EMILIN2: variants seen among roughly 807,000 people sequenced by gnomAD.
EMILIN2 encodes the protein EMILIN-2.
EMILIN2 carries 71 observed loss-of-function variants against 87.1 expected under a neutral mutation model. That is an observed-to-expected ratio of 0.82 (90% CI 0.67 to 0.99). The LOEUF is 0.99. Ranked by LOEUF, EMILIN2 falls within the 50% of genes least tolerant of loss-of-function variation. EMILIN2 has a pLI of 0.00. For missense variants in EMILIN2, 1,407 were observed against 1,371.8 expected, an observed-to-expected ratio of 1.03 and a Z score of -0.40; for synonymous variants, 581 against 563.4, an observed-to-expected ratio of 1.03 and a Z score of -0.44.
intron 2 of EMILIN2, among the ~76,000 whole-genome samples, chr18:2,869,344 A>G (rs1252525128): frequency 6.6e-6 from 1 of 152,162 alleles, no homozygotes; most frequent in Admixed American, 6.5e-5. Flanking sequence ...GAAGTTGTAC[A>G]GTTTAATATT....
chr18:2,889,159 A>G (rs2076819867), intron 3 of EMILIN2, among the ~76,000 whole-genome samples: 1 of 80,818 alleles, frequency 1.2e-5, no homozygotes, highest in Admixed American at 1.9e-4. Flanking sequence ...TTTTTTTGAG[A>G]CAGGGTCTCT....
chr18:2,907,057 C>G lies in EMILIN2; in HGVS notation c.2634C>G (p.Pro878=), dbSNP rs772430809. The G allele has an allele frequency of 1.3e-5, 17 of 1,267,214 alleles. No individual in the cohort carries two copies. The highest frequency in any genetic ancestry group is 1.7e-5 in the Non-Finnish European group (17 of 1,010,708). 78.5% of individuals were successfully genotyped at this position (1,267,214 alleles called of 1,614,324 possible). A position where few individuals can be genotyped will look rare whatever the true frequency, so the allele number is the denominator to read the frequency against. ...GCCAGACCGGGAGCGGCACCGTCCC[C>G]GGCGCAGAAGGCTTCGCGGGCGCAC... ...VDGQTGSGTV[P]GAEGFAGAPG... is the part of the protein sequence containing the mutation. Residue 878 remains proline (P), a synonymous_variant, in exon 5 of 8, where the codon CCC becomes CCG. Coordinates refer to ENST00000254528, the MANE Select transcript of EMILIN2 (RefSeq NM_032048.3).
Position 2,891,713 on chromosome 18 carries a change from G to A in EMILIN2, c.1586G>A (p.Gly529Glu). 2 of 1,614,104 alleles carry A rather than the reference G, an allele frequency of 1.2e-6. No individual in the cohort carries two copies. Among genetic ancestry groups the A allele is most frequent in the Non-Finnish European group, 1.7e-6 (2 of 1,180,026 alleles). Residue 529 changes from glycine to glutamate, a missense_variant, in exon 4 of 8, where the codon GGG becomes GAG. Gly to Glu is a moderately conservative substitution (Grantham distance 98). Transcript: ENST00000254528. The surrounding 1 kb of genome is among the most constrained non-coding windows in gnomAD (Gnocchi z 4.6). ...GCAGCAGCCCTGCCAGGAGTGTCAG[G>A]GTCAGGAGATGAACGGGTCATGATG... The part of the protein sequence containing the change: ...PGAAALPGVS[G>E]SGDERVMMEL...
chr18:2,874,549 ACT>A (rs560004820), intron 2 of EMILIN2, among the ~76,000 whole-genome samples: 1 of 152,226 alleles, frequency 6.6e-6, no homozygotes, highest in South Asian at 2.1e-4. Context: ...GGGCTCTGGC[ACT>A]TTTTTCCAGA....
In EMILIN2 at chr18:2,892,425, C is replaced by T. The variant is rs369842804; in HGVS notation, c.2298C>T (p.Tyr766=). The T allele has an allele frequency of 3.9e-5, 63 of 1,613,196 alleles. No homozygotes were observed. The East Asian group carries it at 6.9e-4, about 18-fold the overall frequency. The part of the protein sequence containing the change: ...SGLKNSVQQF[Y]SHVFQISTDL... ...TGAAGAATTCAGTCCAGCAGTTCTA[C>T]AGCCACGTCTTCCAGATTTCTACTG... is the stretch of plus-strand genomic sequence containing the variant. The change falls in exon 4 of 8, where the codon TAC becomes TAT. Residue 766 remains tyrosine (Y), a synonymous_variant. Transcript: ENST00000254528.
chr18:2,856,459 T>C (rs911678151), intron 2 of EMILIN2, among the ~76,000 whole-genome samples: 6 of 152,120 alleles, frequency 3.9e-5, no homozygotes, highest in African/African-American at 1.4e-4. Context: ...CTAGTGCCAA[T>C]CCCCAGGTGA....
In EMILIN2 at chr18:2,847,242, G is replaced by A; in HGVS notation, c.54G>A (p.Ala18=). ...WPRVPWRWAL[A]LLALVGAGLC... The stretch of plus-strand genomic sequence containing the variant: ...GCGTGCCCTGGCGCTGGGCGCTGGC[G>A]CTGCTGGCCCTGGTTGGCGCGGGGC... Residue 18 remains alanine, a synonymous_variant, in exon 1 of 8, where the codon GCG becomes GCA. Transcript: ENST00000254528. This position sits in a 1 kb window ranked among gnomAD's most constrained non-coding sequence, Gnocchi z 4.5. 2 of 1,273,332 alleles carry A rather than the reference G, an allele frequency of 1.6e-6. No individual in the cohort carries two copies. Among genetic ancestry groups the A allele is most frequent in the South Asian group, 2.6e-5 (1 of 38,960 alleles). The allele number at this position is 1,273,332 out of a possible 1,614,324, so 78.9% of individuals were successfully genotyped here.
At chr18:2,865,414 G>C (rs2076681555) in intron 2 of EMILIN2, among the ~76,000 whole-genome samples, 2 of 152,192 alleles carry the variant, frequency 1.3e-5, no homozygotes, top group Non-Finnish European at 2.9e-5. Flanking sequence ...CTTTCTGTTA[G>C]TTTTCCTTCT....
chr18:2,884,411 A>G (rs2076793103), intron 2 of EMILIN2, among the ~76,000 whole-genome samples: 1 of 85,008 alleles, frequency 1.2e-5, no homozygotes. Context: ...ACACCTGGCT[A>G]AGTTTCGTAT....
Position 2,890,537 on chromosome 18 carries a change from T to C in EMILIN2, c.434-24T>C, listed in dbSNP as rs372175085. On this transcript the variant is annotated intron_variant, in intron 3 of 7. Coordinates refer to ENST00000254528, the MANE Select transcript of EMILIN2 (RefSeq NM_032048.3). This position sits in a 1 kb window ranked among gnomAD's most constrained non-coding sequence, Gnocchi z 4.7. Reference sequence around the variant, plus strand: ...GCTAAAGGTAGAAAATGTTCATTCATGTCCAACTTTATCTTTGTAACAGAT... The same window carrying C: ...GCTAAAGGTAGAAAATGTTCATTCACGTCCAACTTTATCTTTGTAACAGAT... The C allele has an allele frequency of 6.5e-7, 1 of 1,527,318 alleles. No homozygotes were observed. The highest frequency in any genetic ancestry group is 8.8e-7 in the Non-Finnish European group (1 of 1,137,276). 94.6% of individuals were successfully genotyped at this position (1,527,318 alleles called of 1,614,324 possible).
In EMILIN2 at chr18:2,880,965, C is replaced by T. The variant is rs146900158; in HGVS notation, c.258-3999C>T. 6.6e-6 allele frequency among the ~76,000 whole-genome samples: 1 copy of T among 152,318 alleles called. No homozygotes were observed. The highest frequency in any genetic ancestry group is 1.9e-4 in the East Asian group (1 of 5,186). ...CTTGGCATTTTCTAAAGCTCACTAG[C>T]TATTTTCCTGCAGTGCCTTGGGTGA... On this transcript the variant is annotated intron_variant, in intron 2 of 7. Coordinates refer to ENST00000254528, the MANE Select transcript of EMILIN2 (RefSeq NM_032048.3). The surrounding 1 kb of genome is among the most constrained non-coding windows in gnomAD (Gnocchi z 4.1).
At chr18:2,849,652 T>C (rs1598482540) in intron 2 of EMILIN2, among the ~76,000 whole-genome samples, 1 of 152,304 alleles carries the variant, frequency 6.6e-6, no homozygotes, top group East Asian at 1.9e-4. Context: ...GTTTCTGTTG[T>C]TTTATTAAAC....
intron 3 of EMILIN2, among the ~76,000 whole-genome samples, chr18:2,889,692 C>T (rs368440119): frequency 5.2e-4 from 50 of 96,660 alleles, no homozygotes; most frequent in East Asian, 1.2e-3. Flanking sequence ...TTTTTCTTTT[C>T]TTTTTTTTTT....
rs11659151 is a variant in EMILIN2, at chr18:2,853,820, A to T, written c.257+5889A>T. 1.2e-4 allele frequency among the ~76,000 whole-genome samples: 18 copies of T among 152,184 alleles called. No homozygotes were observed. The Middle Eastern group carries it at 0.014, about 115-fold the overall frequency. ...GTGCTGCATTGCCAGCCTCCCTGTC[A>T]GGGTGGAATGGCAGGAGGGAAGGGC... On this transcript the variant is annotated intron_variant, in intron 2 of 7. Transcript: ENST00000254528.
At chr18:2,902,442 C>T (rs2076891929) in intron 4 of EMILIN2, among the ~76,000 whole-genome samples, 1 of 152,152 alleles carries the variant, frequency 6.6e-6, no homozygotes, top group South Asian at 2.1e-4. Context: ...ACTGTTCAAG[C>T]CTGCTGGGCC....
At chr18:2,905,729 A>G (rs1323368199) in intron 4 of EMILIN2, among the ~76,000 whole-genome samples, 4 of 149,264 alleles carry the variant, frequency 2.7e-5, no homozygotes, top group African/African-American at 9.9e-5. Context: ...CAGCCTCCCG[A>G]GTAGCTGGGA....
In EMILIN2 at chr18:2,847,969, G is replaced by C. The variant is rs938477587; in HGVS notation, c.257+38G>C. 1.3e-6 allele frequency: 2 copies of C among 1,557,250 alleles called. No homozygotes were observed. Among genetic ancestry groups the C allele is most frequent in the South Asian group, 1.2e-5 (1 of 85,942 alleles). On this transcript the variant is annotated intron_variant, in intron 2 of 7. Transcript: ENST00000254528. This position sits in a 1 kb window ranked among gnomAD's most constrained non-coding sequence, Gnocchi z 4.5. Reference sequence around the variant, plus strand: ...GCCGGGGAGCGGGCGGGGCGCGCCCGGGCCGGGGCGGTGGGGGTGGGGTGG... The same window carrying C: ...GCCGGGGAGCGGGCGGGGCGCGCCCCGGCCGGGGCGGTGGGGGTGGGGTGG...
chr18:2,881,364 A>G (rs901239589), intron 2 of EMILIN2, among the ~76,000 whole-genome samples: 4 of 152,148 alleles, frequency 2.6e-5, no homozygotes, highest in East Asian at 3.9e-4. Context: ...CAGAAACTCA[A>G]CAGCAGGCAG....
rs1271309758 is a variant in EMILIN2 at position 2,847,290 on chromosome 18, C to G, written c.102C>G (p.Pro34=). 3 of 1,318,646 alleles carry G rather than the reference C, an allele frequency of 2.3e-6. No individual in the cohort carries two copies. The highest frequency in any genetic ancestry group is 2.9e-6 in the Non-Finnish European group (3 of 1,037,084). 81.7% of individuals were successfully genotyped at this position (1,318,646 alleles called of 1,614,324 possible). ...GAGLCHAGPQ[P]GYPARPSARN... is the part of the protein sequence containing the mutation. ...GGCTGTGCCACGCCGGCCCGCAGCC[C>G]GGGTATCCCGCGCGGCCCAGCGCCA... Residue 34 remains proline, a synonymous_variant, in exon 1 of 8, where the codon CCC becomes CCG. Coordinates refer to ENST00000254528, the MANE Select transcript of EMILIN2 (RefSeq NM_032048.3). The surrounding 1 kb of genome is among the most constrained non-coding windows in gnomAD (Gnocchi z 4.5).
Sources: allele counts gnomAD v4.1 joint callset (sites outside exome capture counted in the v4.1 genomes callset), GRCh38; gene constraint gnomAD v4.1.1; non-coding constraint Gnocchi (gnomAD v3.1); transcripts MANE v1.5; gene names NCBI Gene and HGNC (gene_info 2026-07-23, HGNC 2026-07-21).